The following PRMT8 variants were observed in gnomAD, a reference collection of about 807,000 sequenced individuals.
The protein encoded by PRMT8 is protein arginine N-methyltransferase 8.
A neutral mutation model predicts 47.1 loss-of-function variants in PRMT8; 7 were observed. The ratio of observed to expected loss-of-function variants is 0.15; its 90% CI spans 0.08 to 0.28. The LOEUF (loss-of-function observed/expected upper bound fraction) is 0.28. Among genes scored for constraint, PRMT8 ranks in the 10% least tolerant of loss-of-function variants. The probability of loss-of-function intolerance (pLI) is 1.00; values close to 1 mark genes in which losing one functional copy is unlikely to be tolerated. For synonymous variants in PRMT8, 188 were observed against 186.5 expected (o/e 1.01, Z -0.07); for missense variants, 237 against 505.4 (o/e 0.47, Z 5.09).
At chr12:3,449,048 C>A (rs1210312592) in intron 1 of PRMT8, among the ~76,000 whole-genome samples, 1 of 152,168 alleles carries the variant, frequency 6.6e-6, no homozygotes, top group Non-Finnish European at 1.5e-5. Flanking sequence ...GCATCCATGT[C>A]CCTGCAAAGG....
chr12:3,478,298 A>G (rs1865237344), intron 1 of PRMT8, among the ~76,000 whole-genome samples: 1 of 148,894 alleles, frequency 6.7e-6, no homozygotes, highest in African/African-American at 2.5e-5. Flanking sequence ...CTATCTATCT[A>G]TCTATCTATC....
intron 1 of PRMT8, among the ~76,000 whole-genome samples, chr12:3,402,156 G>C (rs1412778864): frequency 3.3e-5 from 5 of 152,076 alleles, no homozygotes; most frequent in Non-Finnish European, 7.4e-5. Flanking sequence ...ACAGAATAGA[G>C]ATCTCAGAAA....
chr12:3,442,949 G>A (rs944562816), intron 1 of PRMT8, among the ~76,000 whole-genome samples: 3 of 152,210 alleles, frequency 2.0e-5, no homozygotes, highest in Admixed American at 6.5e-5. Context: ...GAGCCACCAC[G>A]CCCGGCCTTA....
At chr12:3,399,216 A>G (rs936554700) in intron 1 of PRMT8, among the ~76,000 whole-genome samples, 1 of 152,170 alleles carries the variant, frequency 6.6e-6, no homozygotes, top group Non-Finnish European at 1.5e-5. Context: ...AACTCACTCT[A>G]GATGGAACAC....
chr12:3,388,293 C>T (rs1389800186), intron 1 of PRMT8, among the ~76,000 whole-genome samples: 1 of 152,120 alleles, frequency 6.6e-6, no homozygotes, highest in African/African-American at 2.4e-5. Flanking sequence ...TGGAAAGATT[C>T]AGGTTAAATA....
chr12:3,486,924 T>G (rs556951480), upstream of PRMT8, among the ~76,000 whole-genome samples: 1 of 152,370 alleles, frequency 6.6e-6, no homozygotes, highest in Admixed American at 6.5e-5. Context: ...CCACCTCATA[T>G]TGCTTTGCAG....
At chr12:3,555,120 AG>A (rs1283005730) in intron 4 of PRMT8, among the ~76,000 whole-genome samples, 1 of 152,250 alleles carries the variant, frequency 6.6e-6, no homozygotes, top group Non-Finnish European at 1.5e-5. Context: ...GGGACAGAGC[AG>A]GGAACAAGAC....
At chr12:3,397,945 CAGT>C (rs1820412163) in intron 1 of PRMT8, among the ~76,000 whole-genome samples, 1 of 152,206 alleles carries the variant, frequency 6.6e-6, no homozygotes, top group Non-Finnish European at 1.5e-5. Context: ...CGGAAAAGCG[CAGT>C]ATTCGGGTGG....
chr12:3,405,384 AT>A (rs1387206266), intron 1 of PRMT8, among the ~76,000 whole-genome samples: 1 of 152,184 alleles, frequency 6.6e-6, no homozygotes, highest in Non-Finnish European at 1.5e-5. Flanking sequence ...AAACCATGTC[AT>A]TCCACCTCTG....
chr12:3,506,247 T>C (rs1455884977), intron 1 of PRMT8, among the ~76,000 whole-genome samples: 1 of 152,220 alleles, frequency 6.6e-6, no homozygotes. Flanking sequence ...CTAAGTGAGT[T>C]ATTTCACATA....
intron 1 of PRMT8, among the ~76,000 whole-genome samples, chr12:3,473,951 G>C (rs1339880839): frequency 6.6e-6 from 1 of 152,060 alleles, no homozygotes; most frequent in Non-Finnish European, 1.5e-5. Flanking sequence ...CTTCATCCCT[G>C]CTGCTCCCAT....
At chr12:3,575,084 G>A (rs1284632645) in intron 6 of PRMT8, among the ~76,000 whole-genome samples, 4 of 152,194 alleles carry the variant, frequency 2.6e-5, no homozygotes, top group African/African-American at 4.8e-5. Flanking sequence ...AGCCTCGGGT[G>A]ATTTAATGGG....
At chr12:3,542,617 C>T (rs1866251821) in intron 2 of PRMT8, among the ~76,000 whole-genome samples, 1 of 152,218 alleles carries the variant, frequency 6.6e-6, no homozygotes, top group South Asian at 2.1e-4. Context: ...AATGTCTCCT[C>T]TTGGGCCTGC....
At chr12:3,519,581 G>A (rs910785539) in intron 1 of PRMT8, among the ~76,000 whole-genome samples, 1 of 152,188 alleles carries the variant, frequency 6.6e-6, no homozygotes, top group Non-Finnish European at 1.5e-5. Context: ...TGAGGTGGGG[G>A]TAGAAAGCAT....
rs1217671017 is a variant in PRMT8, at chr12:3,568,858, C to A, written c.624+10C>A. The A allele has an allele frequency of 1.2e-6, 2 of 1,613,886 alleles. No individual in the cohort carries two copies. The highest frequency in any genetic ancestry group is 2.2e-5 in the South Asian group (2 of 91,064). ...CAGGGACAAGTGGCTGGTAAGTGTCCTGCATGCTGTCCCCGCGTTGGCCGG... is the reference window on the plus strand; with the variant it reads ...CAGGGACAAGTGGCTGGTAAGTGTCATGCATGCTGTCCCCGCGTTGGCCGG... On this transcript the variant is annotated intron_variant, in intron 5 of 9. Coordinates refer to ENST00000382622, the MANE Select transcript of PRMT8 (RefSeq NM_019854.5).
At chr12:3,536,074 A>G (rs776688248) in intron 1 of PRMT8, among the ~76,000 whole-genome samples, 3 of 152,260 alleles carry the variant, frequency 2.0e-5, no homozygotes, top group East Asian at 3.9e-4. Context: ...AAGTGTTCCA[A>G]TTTGCCTGCA....
intron 1 of PRMT8, among the ~76,000 whole-genome samples, chr12:3,465,164 A>AT (rs1436100344): frequency 9.7e-5 from 14 of 143,984 alleles, no homozygotes; most frequent in African/African-American, 3.5e-4. Flanking sequence ...TTTATAAAAA[A>AT]ATATATATTT....
At chr12:3,474,056 C>T (rs1865185302) in intron 1 of PRMT8, among the ~76,000 whole-genome samples, 3 of 152,254 alleles carry the variant, frequency 2.0e-5, no homozygotes, top group Non-Finnish European at 4.4e-5. Context: ...TCCATTCACA[C>T]AGCTGCCTGA....
intron 1 of PRMT8, among the ~76,000 whole-genome samples, chr12:3,423,660 A>C (rs1311812633): frequency 1.3e-5 from 2 of 152,212 alleles, no homozygotes; most frequent in Non-Finnish European, 2.9e-5. Flanking sequence ...CTCTATGCCC[A>C]CATATCCAGT....
Sources: allele counts gnomAD v4.1 joint callset (sites outside exome capture counted in the v4.1 genomes callset), GRCh38; gene constraint gnomAD v4.1.1; transcripts MANE v1.5; gene names NCBI Gene and HGNC (gene_info 2026-07-23, HGNC 2026-07-21).